SPTBN5: variants seen among roughly 807,000 people sequenced by gnomAD.
SPTBN5 encodes the protein spectrin beta chain, non-erythrocytic 5.
Under a neutral mutation model 477.6 loss-of-function variants are expected in SPTBN5, and 513 were observed. That is an observed-to-expected ratio of 1.07 (90% CI 1.00 to 1.16). SPTBN5 has a LOEUF of 1.16. Among genes scored for constraint, SPTBN5 ranks in the 50% most tolerant of loss-of-function variants. The pLI is 0.00. For missense variants in SPTBN5, 5,062 were observed against 4,731.8 expected, an observed-to-expected ratio of 1.07 and a Z score of -2.05; for synonymous variants, 2,169 against 2,011.7, an observed-to-expected ratio of 1.08 and a Z score of -2.09.
chr15:41,876,103 G>C lies in SPTBN5; in HGVS notation c.4122+11C>G. 1 of 1,592,708 alleles carries C rather than the reference G, an allele frequency of 6.3e-7. No individual in the cohort carries two copies. Among genetic ancestry groups the C allele is most frequent in the Non-Finnish European group, 8.5e-7 (1 of 1,173,064 alleles). Reference sequence around the variant, plus strand: ...AAGGAGGCTCTGCACCCTCTGTCCCGTGTCCCCCACCTGCTGCAGGGCCTC... The same window carrying C: ...AAGGAGGCTCTGCACCCTCTGTCCCCTGTCCCCCACCTGCTGCAGGGCCTC... On this transcript the variant is annotated intron_variant, in intron 21 of 67. Transcript: ENST00000320955.
intron 6 of SPTBN5, among the ~76,000 whole-genome samples, 200 bp downstream of exon 6, chr15:41,887,013 T>C (rs1197694): frequency 0.84 from 128,407 of 152,324 alleles, 54,219 homozygotes; most frequent in East Asian, 0.97. Flanking sequence ...CCGTGCTGGG[T>C]CCATTACCCA....
chr15:41,873,594 C>A lies in SPTBN5; in HGVS notation c.4905G>T (p.Val1635=), dbSNP rs1262985302. 5.8e-6 allele frequency: 9 copies of A among 1,551,946 alleles called. No homozygotes were observed. Among genetic ancestry groups the A allele is most frequent in the Non-Finnish European group, 7.8e-6 (9 of 1,147,288 alleles). The change falls in exon 26 of 68, where the codon GTG becomes GTT. Residue 1635 remains valine (V), a synonymous_variant. Transcript: ENST00000320955. ...AVTFQQYFLD[V]SELEGWVEEK... is the part of the protein sequence containing the mutation. ...CCTCCACCCAGCCCTCCAGCTCTGA[C>A]ACATCCAGAAAGTACTGCCAAGAGT...
chr15:41,874,508 T>G lies in SPTBN5; in HGVS notation c.4503-30A>C, dbSNP rs542244931. ...GAGGAGGAGGAAGAGATTGGAGAGG[T>G]TGGGAACAGAGTGAGCACAAGGCTC... On this transcript the variant is annotated intron_variant, in intron 23 of 67. Transcript: ENST00000320955. 6.9e-4 allele frequency: 1,074 copies of G among 1,555,958 alleles called. 11 individuals carry two copies. The South Asian group carries it at 0.012, about 18-fold the overall frequency.
Position 41,879,787 on chromosome 15 carries a change from T to A in SPTBN5, c.2889A>T (p.Arg963Ser). The change falls in exon 15 of 68, where the codon AGA (arginine) becomes AGT (serine). Residue 963 changes from arginine to serine, a missense_variant. Coordinates refer to ENST00000320955, the MANE Select transcript of SPTBN5 (RefSeq NM_016642.4). ...VSSSAEQLRQ[R>S]YPGNSTQIQR... Reference sequence around the variant, plus strand: ...GGATTTGTGTGGAGTTCCCAGGATATCTCTGCCTCAGTTGCTCAGCAGAGC... The same window carrying A: ...GGATTTGTGTGGAGTTCCCAGGATAACTCTGCCTCAGTTGCTCAGCAGAGC... 1.2e-6 allele frequency: 2 copies of A among 1,614,032 alleles called. No homozygotes were observed. The highest frequency in any genetic ancestry group is 8.5e-7 in the Non-Finnish European group (1 of 1,179,896).
At chr15:41,878,035 C>T (rs1037268888) in intron 17 of SPTBN5, among the ~76,000 whole-genome samples, 8 of 152,180 alleles carry the variant, frequency 5.3e-5, no homozygotes, top group South Asian at 2.1e-4. Context: ...GGGGGCTAGA[C>T]GCCCTGACTG....
chr15:41,874,227 G>A, intron 24 of SPTBN5, 65 bp downstream of exon 24: 1 of 1,550,758 alleles, frequency 6.4e-7, no homozygotes. Flanking sequence ...CTGAGTAGGG[G>A]CAGAGGGTTT....
intron 67 of SPTBN5, 134 bp downstream of exon 67, chr15:41,849,735 G>A: frequency 1.5e-6 from 1 of 685,680 alleles, no homozygotes; most frequent in Non-Finnish European, 2.5e-6. Context: ...GGGCAGCTGA[G>A]GGTTCCAATA....
In SPTBN5 at chr15:41,855,544, C is replaced by G; in HGVS notation, c.9218+5G>C. 1 of 1,607,490 alleles carries G rather than the reference C, an allele frequency of 6.2e-7. No homozygotes were observed. Among genetic ancestry groups the G allele is most frequent in the Non-Finnish European group, 8.5e-7 (1 of 1,176,160 alleles). On this transcript the variant is annotated splice_donor_5th_base_variant and intron_variant, in intron 54 of 67. Coordinates refer to ENST00000320955, the MANE Select transcript of SPTBN5 (RefSeq NM_016642.4). The stretch of plus-strand genomic sequence containing the variant: ...TCCTTCGCGGATGGTGTGGCTTCCG[C>G]CCACCTTTCTGGGTTCTTCCTGCTC...
Position 41,853,581 on chromosome 15 carries a change from C to A in SPTBN5, c.9980+1G>T. On this transcript the variant is annotated splice_donor_variant, in intron 58 of 67. Coordinates refer to ENST00000320955, the MANE Select transcript of SPTBN5 (RefSeq NM_016642.4). LOFTEE classifies it high-confidence loss of function. ...GCCGGCAGCTGAGGTAGGACACCTA[C>A]AGCAGTTCCTGGCAGCGCCCGAGGA... is the stretch of plus-strand genomic sequence containing the variant. The A allele has an allele frequency of 6.4e-7, 1 of 1,570,136 alleles. No homozygotes were observed. Among genetic ancestry groups the A allele is most frequent in the Non-Finnish European group, 8.7e-7 (1 of 1,154,604 alleles).
rs772419590 is a variant in SPTBN5 at position 41,855,679 on chromosome 15, T to C, written c.9088A>G (p.Ser3030Gly). The change falls in exon 54 of 68, where the codon AGT (serine) becomes GGT (glycine). Residue 3030 changes from serine (S) to glycine (G), a missense_variant. Physicochemically the swap from Ser to Gly is moderately conservative, Grantham distance 56. Transcript: ENST00000320955. ...HVLDSEDMGH[S>G]AEATQALLRR... ...AGAAGGGCCTGTGTGGCTTCAGCAC[T>C]GTGGCCCATGTCCTCGCTGTCCAGG... 1.9e-6 allele frequency: 3 copies of C among 1,604,354 alleles called. No homozygotes were observed. Among genetic ancestry groups the C allele is most frequent in the Non-Finnish European group, 2.5e-6 (3 of 1,177,386 alleles).
At chr15:41,874,761 C>A in intron 23 of SPTBN5, 81 bp downstream of exon 23, 1 of 1,409,242 alleles carries the variant, frequency 7.1e-7, no homozygotes, top group East Asian at 2.4e-5. Flanking sequence ...CTGGACACCC[C>A]GGTCCTGTGG....
rs998609676 is a variant in SPTBN5 at position 41,879,497 on chromosome 15, C to G, written c.2945G>C (p.Trp982Ser). ...CCTCTTCAGGGCCTCCAGCTGCCCCCACCTGGGCAGAGGGTACAAGGTTGT... is the reference window on the plus strand; with the variant it reads ...CCTCTTCAGGGCCTCCAGCTGCCCCGACCTGGGCAGAGGGTACAAGGTTGT... ...QRQQEELSQR[W>S]GQLEALKREK... is the part of the protein sequence containing the mutation. Residue 982 changes from tryptophan to serine, a missense_variant and splice_region_variant, in exon 16 of 68, where the codon TGG becomes TCG. By Grantham distance (177) the Trp-to-Ser change is radical (BLOSUM62 -3). Transcript: ENST00000320955. 4 of 1,560,504 alleles carry G rather than the reference C, an allele frequency of 2.6e-6. No homozygotes were observed. The highest frequency in any genetic ancestry group is 1.9e-5 in the Admixed American group (1 of 52,906).
intron 17 of SPTBN5, 62 bp downstream of exon 17, chr15:41,878,280 A>G: frequency 6.4e-7 from 1 of 1,561,154 alleles, no homozygotes; most frequent in South Asian, 1.2e-5. Context: ...CTGGGCCTGA[A>G]CCCAGAGCCC....
intron 49 of SPTBN5, 103 bp from the exon 50 acceptor site, chr15:41,857,813 G>C (rs79269602): frequency 0.043 from 58,991 of 1,376,608 alleles, 1,446 homozygotes; most frequent in South Asian, 0.046. Flanking sequence ...GAGTCCCTGC[G>C]GTCCAGCTGC....
Position 41,854,815 on chromosome 15 carries a change from C to G in SPTBN5, c.9585G>C (p.Glu3195Asp). ...AQRSRIEAAW[E>D]RLDQAIKART... ...GGGCTTTTATTGCTTGGTCCAACCT[C>G]TCCCAAGCAGCCTCAATGCGGCTCC... Residue 3195 changes from glutamate (E) to aspartate (D), a missense_variant, in exon 56 of 68, where the codon GAG becomes GAC. By Grantham distance (45) the Glu-to-Asp change is conservative. Coordinates refer to ENST00000320955, the MANE Select transcript of SPTBN5 (RefSeq NM_016642.4). 1 of 1,579,774 alleles carries G rather than the reference C, an allele frequency of 6.3e-7. No homozygotes were observed. The highest frequency in any genetic ancestry group is 8.6e-7 in the Non-Finnish European group (1 of 1,163,372).
Position 41,857,285 on chromosome 15 carries a change from GT to G in SPTBN5, c.8573del (p.His2858ProfsTer21), listed in dbSNP as rs750115687. ...GCTCTTCCACATCTTGGGCAAGGCA[GT>G]GGCCTTCCCTCACAAAGGCCTGGGC... is the stretch of plus-strand genomic sequence containing the variant. ...GQAQAFVREG[H>X]CLAQDVEEQA... is the part of the protein sequence containing the mutation. On this transcript the variant is annotated frameshift_variant, in exon 51 of 68. Coordinates refer to ENST00000320955, the MANE Select transcript of SPTBN5 (RefSeq NM_016642.4). LOFTEE classifies it high-confidence loss of function. 3.8e-6 allele frequency: 6 copies of G among 1,574,042 alleles called. No homozygotes were observed. Among genetic ancestry groups the G allele is most frequent in the Non-Finnish European group, 5.2e-6 (6 of 1,160,226 alleles).
chr15:41,871,546 G>T, intron 28 of SPTBN5, 26 bp from the exon 29 acceptor site: 1 of 1,451,672 alleles, frequency 6.9e-7, no homozygotes, highest in Non-Finnish European at 9.1e-7. Flanking sequence ...TGGGTGACAG[G>T]GTAGCCCCCA....
chr15:41,866,080 G>C lies in SPTBN5; in HGVS notation c.6780C>G (p.Phe2260Leu), dbSNP rs760727356. The C allele has an allele frequency of 3.9e-6, 6 of 1,556,608 alleles. No individual in the cohort carries two copies. The highest frequency in any genetic ancestry group is 5.2e-6 in the Non-Finnish European group (6 of 1,150,608). Residue 2260 changes from phenylalanine (F) to leucine (L), a missense_variant, in exon 38 of 68, where the codon TTC becomes TTG. Coordinates refer to ENST00000320955, the MANE Select transcript of SPTBN5 (RefSeq NM_016642.4). ...CCTCTGCAAGGTCCACTCTCTGCAG[G>C]AACTCCAGGAAGTTCCGCCTGTCCT... ...ELEDRRNFLEFLQRVDLAEAW... is the reference protein window; with the variant it reads ...ELEDRRNFLELLQRVDLAEAW...
intron 1 of SPTBN5, 128 bp from the exon 2 acceptor site, chr15:41,893,674 G>C: frequency 1.7e-6 from 2 of 1,192,712 alleles, no homozygotes; most frequent in South Asian, 3.2e-5. Context: ...AGCCAGGTAA[G>C]GGCCAGTGCT....
Sources: gnomAD v4.1 joint callset for allele counts (sites outside exome capture counted in the v4.1 genomes callset) on GRCh38, gnomAD v4.1.1 for gene constraint, MANE v1.5 for transcripts, NCBI Gene and HGNC (gene_info 2026-07-23, HGNC 2026-07-21) for gene names.